GPR89A: variants seen among roughly 807,000 people sequenced by gnomAD.
The protein encoded by GPR89A is G protein-coupled receptor 89A.
In GPR89A, 16 loss-of-function variants were observed where a neutral mutation model predicts 52.0. The ratio of observed to expected loss-of-function variants is 0.31; its 90% CI spans 0.21 to 0.47. The LOEUF (loss-of-function observed/expected upper bound fraction) is 0.47. GPR89A is among the 20% of genes least tolerant of loss of function. GPR89A has a pLI of 1.00. For synonymous variants in GPR89A, 55 were observed against 150.9 expected (o/e 0.36, Z 4.66); for missense variants, 135 against 449.4 (o/e 0.30, Z 6.33).
intron 3 of GPR89A, among the ~76,000 whole-genome samples, chr1:145,619,516 G>A (rs1388462966): frequency 1.3e-5 from 2 of 152,130 alleles, no homozygotes; most frequent in African/African-American, 2.4e-5. Context: ...GGAGGCTGAA[G>A]CAGGAGGATC....
chr1:145,619,810 T>C (rs1482567990), intron 3 of GPR89A, among the ~76,000 whole-genome samples: 3 of 152,110 alleles, frequency 2.0e-5, no homozygotes, highest in Non-Finnish European at 4.4e-5. Context: ...GGTCAGGAGA[T>C]CAAGACCATC....
chr1:145,610,097 A>G (rs868920628), intron 1 of GPR89A, among the ~76,000 whole-genome samples: 2 of 152,234 alleles, frequency 1.3e-5, no homozygotes, highest in South Asian at 2.1e-4. Context: ...TGTATTCACC[A>G]GCATCTAGAT....
intron 1 of GPR89A, among the ~76,000 whole-genome samples, chr1:145,610,144 T>C (rs1553685875): frequency 6.6e-6 from 1 of 152,124 alleles, no homozygotes; most frequent in Admixed American, 6.5e-5. Flanking sequence ...AGTGAATATT[T>C]GTTTAATAAA....
At chr1:145,651,076 G>A (rs1352426296) in intron 10 of GPR89A, among the ~76,000 whole-genome samples, 1 of 152,132 alleles carries the variant, frequency 6.6e-6, no homozygotes, top group Non-Finnish European at 1.5e-5. Flanking sequence ...CCTGTACCAT[G>A]TCCTGAATGG....
Position 145,616,301 on chromosome 1 carries a change from G to T in GPR89A, c.102+8G>T, listed in dbSNP as rs782193333. 20 of 1,600,550 alleles carry T rather than the reference G, an allele frequency of 1.2e-5. No homozygotes were observed. Among genetic ancestry groups the T allele is most frequent in the Non-Finnish European group, 8.5e-6 (10 of 1,172,570 alleles). ...TTGTTTAAAGACTATGAGGTGAGAA[G>T]AAATCATTTTGTCATACTTACACTA... is the stretch of plus-strand genomic sequence containing the variant. On this transcript the variant is annotated splice_region_variant and intron_variant, in intron 2 of 13. Transcript: ENST00000313835.
intron 3 of GPR89A, among the ~76,000 whole-genome samples, chr1:145,622,025 TA>T (rs1295495256): frequency 6.6e-6 from 1 of 150,760 alleles, no homozygotes; most frequent in African/African-American, 2.4e-5. Flanking sequence ...TGGGAGTGCC[TA>T]AAAGATTAAA....
intron 10 of GPR89A, among the ~76,000 whole-genome samples, chr1:145,649,821 T>A (rs1429165459): frequency 1.3e-5 from 2 of 151,766 alleles, no homozygotes; most frequent in Non-Finnish European, 2.9e-5. Flanking sequence ...ATATGGCCAG[T>A]CTTGCTAATA....
At position 145,608,070 on chromosome 1, in the gene GPR89A, G is replaced by T. The variant is rs1270913115; in HGVS notation, c.-64G>T. 6.9e-6 allele frequency: 11 copies of T among 1,600,552 alleles called. No homozygotes were observed. In the African/African-American group the frequency reaches 1.1e-4, roughly 16 times the overall value. On this transcript the variant is annotated 5_prime_UTR_variant, in exon 1 of 14. Transcript: ENST00000313835. Reference sequence around the variant, plus strand: ...GGCAGACCGTGTGAGGGGGCCTGTGGCCCCAGCGTGCTGTGGCCTCGGGGA... The same window carrying T: ...GGCAGACCGTGTGAGGGGGCCTGTGTCCCCAGCGTGCTGTGGCCTCGGGGA...
At chr1:145,650,516 G>T (rs1403590013) in intron 10 of GPR89A, among the ~76,000 whole-genome samples, 1 of 150,866 alleles carries the variant, frequency 6.6e-6, no homozygotes, top group Non-Finnish European at 1.5e-5. Context: ...TGGGATTGCT[G>T]GGTCAAATGG....
chr1:145,657,907 C>T (rs1329777224), intron 10 of GPR89A, among the ~76,000 whole-genome samples: 1 of 150,908 alleles, frequency 6.6e-6, no homozygotes, highest in African/African-American at 2.4e-5. Context: ...GTGTATGATG[C>T]AGTAGTTCTT....
At chr1:145,665,491 G>A (rs1652494427) in intron 11 of GPR89A, 71 bp from the exon 12 acceptor site, 21 of 1,595,444 alleles carry the variant, frequency 1.3e-5, no homozygotes, top group Middle Eastern at 2.3e-4. Flanking sequence ...GTAAATGATC[G>A]GGATATAGCT....
chr1:145,610,396 C>A (rs1648177914), intron 1 of GPR89A, among the ~76,000 whole-genome samples: 1 of 152,066 alleles, frequency 6.6e-6, no homozygotes, highest in Non-Finnish European at 1.5e-5. Flanking sequence ...GCTGTGGCTC[C>A]AATTTATTCT....
intron 7 of GPR89A, among the ~76,000 whole-genome samples, chr1:145,632,944 C>A (rs1435121366): frequency 6.6e-6 from 1 of 151,802 alleles, no homozygotes; most frequent in African/African-American, 2.4e-5. Flanking sequence ...GTCATTCTGA[C>A]AGGTATGAGG....
At chr1:145,659,130 C>T (rs1652011213) in intron 10 of GPR89A, among the ~76,000 whole-genome samples, 1 of 152,096 alleles carries the variant, frequency 6.6e-6, no homozygotes, top group African/African-American at 2.4e-5. Flanking sequence ...ATGTGTATAT[C>T]TAGGGGTAGA....
intron 7 of GPR89A, among the ~76,000 whole-genome samples, 167 bp from the exon 8 acceptor site, chr1:145,643,700 CAT>C: frequency 6.8e-6 from 1 of 146,566 alleles, no homozygotes; most frequent in South Asian, 2.3e-4. Flanking sequence ...ATTGCTTCCA[CAT>C]AGTTTCCCTT....
intron 10 of GPR89A, among the ~76,000 whole-genome samples, chr1:145,649,299 T>C (rs1440257252): frequency 1.3e-5 from 2 of 152,202 alleles, no homozygotes; most frequent in African/African-American, 4.8e-5. Flanking sequence ...GTAATGCCTC[T>C]CTCCCACACC....
chr1:145,627,461 T>C (rs587718418), intron 5 of GPR89A, among the ~76,000 whole-genome samples: 46 of 151,662 alleles, frequency 3.0e-4, no homozygotes, highest in African/African-American at 1.1e-3. Context: ...TAAGAAATGA[T>C]GTCTTCTTGT....
intron 1 of GPR89A, among the ~76,000 whole-genome samples, chr1:145,612,973 C>G (rs1484167666): frequency 6.6e-6 from 1 of 151,964 alleles, no homozygotes; most frequent in Non-Finnish European, 1.5e-5. Flanking sequence ...TTTCCTTATC[C>G]TCTAGTGTTT....
rs143160257 is a variant in GPR89A, at chr1:145,666,822, C to T, written c.1095+1171C>T. 4.9e-3 allele frequency among the ~76,000 whole-genome samples: 743 copies of T among 150,834 alleles called. 7 individuals carry two copies. The highest frequency in any genetic ancestry group is 0.017 in the African/African-American group (692 of 41,082). ...TGCAGTGTTTGGCTTTTTGTCCTTG[C>T]GATAGTTTGCTGAGAATGATGGTTT... On this transcript the variant is annotated intron_variant, in intron 12 of 13. Coordinates refer to ENST00000313835, the MANE Select transcript of GPR89A (RefSeq NM_001097612.2).
Sources: allele counts gnomAD v4.1 joint callset (sites outside exome capture counted in the v4.1 genomes callset), GRCh38; gene constraint gnomAD v4.1.1; transcripts MANE v1.5; gene names NCBI Gene and HGNC (gene_info 2026-07-23, HGNC 2026-07-21).